Variants in CSMD2 observed in about 807,000 individuals in gnomAD.
CSMD2 encodes the protein CUB and Sushi multiple domains 2, also known as CUB and sushi domain-containing protein 2.
Under a neutral mutation model 398.5 loss-of-function variants are expected in CSMD2, and 130 were observed. That is an observed-to-expected ratio of 0.33 (90% CI 0.28 to 0.38). The LOEUF is 0.38. Among genes scored for constraint, CSMD2 ranks in the 10% least tolerant of loss-of-function variants. The pLI is 1.00. For synonymous variants in CSMD2, 1,828 were observed against 1,908.5 expected (o/e 0.96, Z 1.10); for missense variants, 3,829 against 4,764.9 (o/e 0.80, Z 5.78).
chr1:33,883,155 G>A (rs1641351303), intron 5 of CSMD2, among the ~76,000 whole-genome samples: 3 of 152,144 alleles, frequency 2.0e-5, no homozygotes, highest in Admixed American at 2.0e-4. Context: ...GTTTCTCCCA[G>A]TTATTTAAAC....
intron 23 of CSMD2, among the ~76,000 whole-genome samples, chr1:33,700,141 T>C (rs1361406999): frequency 1.3e-5 from 2 of 152,138 alleles, no homozygotes; most frequent in Non-Finnish European, 2.9e-5. Flanking sequence ...CCCAAGTAGC[T>C]GGGATTACAG....
At chr1:33,995,817 C>T (rs1235682824) in intron 3 of CSMD2, among the ~76,000 whole-genome samples, 1 of 152,208 alleles carries the variant, frequency 6.6e-6, no homozygotes, top group African/African-American at 2.4e-5. Context: ...TGTTCATATT[C>T]AGTAACCGGG....
intron 1 of CSMD2, among the ~76,000 whole-genome samples, chr1:34,095,966 C>A (rs557122812): frequency 2.0e-5 from 3 of 152,116 alleles, no homozygotes; most frequent in Admixed American, 6.5e-5. Flanking sequence ...AAAAAAGAGA[C>A]TTTTAGACCA....
At chr1:33,627,362 A>G (rs1162588627) in intron 32 of CSMD2, among the ~76,000 whole-genome samples, 3 of 152,152 alleles carry the variant, frequency 2.0e-5, no homozygotes, top group African/African-American at 7.2e-5. Context: ...CCTGCAGCCA[A>G]TTAGTGTAGT....
At chr1:34,090,090 G>A (rs960301365) in intron 1 of CSMD2, among the ~76,000 whole-genome samples, 2 of 152,058 alleles carry the variant, frequency 1.3e-5, no homozygotes, top group African/African-American at 4.8e-5. Flanking sequence ...TTAATTTACT[G>A]CTCAGTGCCT....
chr1:33,592,812 G>T (rs1352699196), intron 44 of CSMD2, among the ~76,000 whole-genome samples: 1 of 152,060 alleles, frequency 6.6e-6, no homozygotes, highest in Non-Finnish European at 1.5e-5. Context: ...AGCTGGGCGA[G>T]GTGGTGGGTG....
intron 12 of CSMD2, among the ~76,000 whole-genome samples, chr1:33,775,638 G>C (rs1391213318): frequency 6.6e-6 from 1 of 152,188 alleles, no homozygotes. Flanking sequence ...CTGAATGGAG[G>C]GTCATCAGTA....
At chr1:34,023,436 C>CAA (rs1649202963) in intron 3 of CSMD2, among the ~76,000 whole-genome samples, 1 of 152,314 alleles carries the variant, frequency 6.6e-6, no homozygotes. Flanking sequence ...TTGTGTTGTA[C>CAA]AAAAGCCTTA....
chr1:34,158,799 A>T lies in CSMD2; in HGVS notation c.187+6112T>A, dbSNP rs189007297. Among the ~76,000 whole-genome samples the T allele has an allele frequency of 2.3e-4, 35 of 152,256 alleles. No homozygotes were observed. In the East Asian group the frequency reaches 2.9e-3, roughly 13 times the overall value. On this transcript the variant is annotated intron_variant, in intron 1 of 70. Transcript: ENST00000373381. ...AGGTTTAATCCCGCCTTCTTTACCT[A>T]CCTGCTCTACAGCCTTGGCCCAGCT...
intron 3 of CSMD2, among the ~76,000 whole-genome samples, chr1:34,030,967 T>C (rs1413343377): frequency 6.6e-6 from 1 of 152,188 alleles, no homozygotes; most frequent in Non-Finnish European, 1.5e-5. Flanking sequence ...AGGAAGCTTC[T>C]GAAGAGGCTT....
rs190533358 is a variant in CSMD2 at position 33,578,556 on chromosome 1, T to C, written c.7388-1072A>G. 2.6e-3 allele frequency among the ~76,000 whole-genome samples: 391 copies of C among 152,156 alleles called. 1 individual carries two copies. Among genetic ancestry groups the C allele is most frequent in the Non-Finnish European group, 3.9e-3 (266 of 67,996 alleles). The stretch of plus-strand genomic sequence containing the variant: ...TCATGCCATTGCACTCCAGCGTGGG[T>C]GACAGAGTGAGACTCTGTCTCAAAA... On this transcript the variant is annotated intron_variant, in intron 48 of 70. Transcript: ENST00000373381.
At chr1:34,020,140 A>G (rs901667704) in intron 3 of CSMD2, among the ~76,000 whole-genome samples, 4 of 152,216 alleles carry the variant, frequency 2.6e-5, no homozygotes, top group African/African-American at 9.6e-5. Context: ...GTGTGGTCAG[A>G]AAAGGCTTCT....
intron 37 of CSMD2, 122 bp downstream of exon 37, chr1:33,622,045 T>G (rs1189668022): frequency 1.3e-6 from 1 of 746,734 alleles, no homozygotes; most frequent in African/African-American, 1.7e-5. Context: ...CACCTAGGTT[T>G]GTGGGAAGGC....
chr1:33,696,239 T>C (rs1645414992), intron 24 of CSMD2, among the ~76,000 whole-genome samples: 1 of 152,124 alleles, frequency 6.6e-6, no homozygotes, highest in South Asian at 2.1e-4. Context: ...GGAAAAGGAA[T>C]AGTTGATTAG....
Position 33,611,174 on chromosome 1 carries a change from C to A in CSMD2, c.6210G>T (p.Glu2070Asp). 6.2e-7 allele frequency: 1 copy of A among 1,614,018 alleles called. No homozygotes were observed. The highest frequency in any genetic ancestry group is 1.3e-5 in the African/African-American group (1 of 74,978). ...TGAATCTTCCCATCATGCGGCTGGTCTCATAGGGGCCATTCCGGATTTCTA... is the reference window on the plus strand; with the variant it reads ...TGAATCTTCCCATCATGCGGCTGGTATCATAGGGGCCATTCCGGATTTCTA... The part of the protein sequence containing the change: ...DYIEIRNGPY[E>D]TSRMMGRFSG... The change falls in exon 41 of 71, where the codon GAG becomes GAT. Residue 2070 changes from glutamate to aspartate, a missense_variant. This residue lies in a region of CSMD2 where 2,001 missense variants were observed against 2,567.1 expected (regional missense o/e 0.78). Coordinates refer to ENST00000373381, the MANE Select transcript of CSMD2 (RefSeq NM_001281956.2).
intron 1 of CSMD2, among the ~76,000 whole-genome samples, chr1:34,150,380 T>A (rs1441311023): frequency 6.6e-6 from 1 of 152,192 alleles, no homozygotes; most frequent in African/African-American, 2.4e-5. Context: ...CCACTGCACC[T>A]GGCCAGAATC....
intron 13 of CSMD2, among the ~76,000 whole-genome samples, chr1:33,761,111 G>C (rs1649763657): frequency 6.6e-6 from 1 of 152,160 alleles, no homozygotes; most frequent in East Asian, 1.9e-4. Context: ...AGAAAGGAGA[G>C]GCACTGTCAG....
intron 44 of CSMD2, among the ~76,000 whole-genome samples, chr1:33,594,252 C>T (rs544636519): frequency 6.6e-6 from 1 of 152,298 alleles, no homozygotes; most frequent in East Asian, 1.9e-4. Context: ...TACAGCCCCG[C>T]TTGAGATAGA....
At chr1:34,121,195 C>T (rs1373582450) in intron 1 of CSMD2, among the ~76,000 whole-genome samples, 1 of 152,096 alleles carries the variant, frequency 6.6e-6, no homozygotes, top group Non-Finnish European at 1.5e-5. Flanking sequence ...GGGGTTTTCT[C>T]CTATGTTCTT....
Sources: gnomAD v4.1 joint callset for allele counts (sites outside exome capture counted in the v4.1 genomes callset) on GRCh38, gnomAD v4.1.1 for gene constraint, gnomAD v4.1.1 regional missense constraint, MANE v1.5 for transcripts, NCBI Gene and HGNC (gene_info 2026-07-23, HGNC 2026-07-21) for gene names.